The following ERP44 variants were observed in gnomAD, a reference collection of about 807,000 sequenced individuals.
The protein encoded by ERP44 is endoplasmic reticulum protein 44, also known as endoplasmic reticulum resident protein 44.
In ERP44, 25 loss-of-function variants were observed where a neutral mutation model predicts 53.4. The ratio of observed to expected loss-of-function variants is 0.47; its 90% CI spans 0.34 to 0.65. ERP44 has a LOEUF of 0.65. Ranked by LOEUF, ERP44 falls within the 30% of genes least tolerant of loss-of-function variation. The probability of loss-of-function intolerance (pLI) is 0.01; values close to 1 mark genes in which losing one functional copy is unlikely to be tolerated. For synonymous variants in ERP44, 145 were observed against 161.2 expected (o/e 0.90, Z 0.76); for missense variants, 338 against 493.2 (o/e 0.69, Z 2.98).
Position 100,016,390 on chromosome 9 carries a change from C to A in ERP44, c.694G>T (p.Val232Leu), listed in dbSNP as rs1175172368. The change falls in exon 8 of 12, where the codon GTG becomes TTG. Residue 232 changes from valine to leucine, a missense_variant. Transcript: ENST00000262455. ...TTATCTTGAATCCAATTGTAAGTCA[C>A]ATCAAAATTTGTCATAGCTCCCAAG... is the stretch of plus-strand genomic sequence containing the variant. ...VYLGAMTNFD[V>L]TYNWIQDKCV... 1 of 1,612,126 alleles carries A rather than the reference C, an allele frequency of 6.2e-7. No individual in the cohort carries two copies. Among genetic ancestry groups the A allele is most frequent in the East Asian group, 2.2e-5 (1 of 44,734 alleles).
At chr9:100,090,594 C>T (rs774111582) in intron 1 of ERP44, among the ~76,000 whole-genome samples, 6 of 151,946 alleles carry the variant, frequency 3.9e-5, no homozygotes, top group East Asian at 1.9e-4. Context: ...ACTAAAAACA[C>T]AAAAATTAGC....
At chr9:100,069,153 C>G (rs867163948) in intron 1 of ERP44, among the ~76,000 whole-genome samples, 1 of 151,894 alleles carries the variant, frequency 6.6e-6, no homozygotes, top group Non-Finnish European at 1.5e-5. Context: ...ACAAACACTG[C>G]GGAAGGCCGC....
At chr9:100,072,302 G>A (rs189894599) in intron 1 of ERP44, among the ~76,000 whole-genome samples, 34 of 152,200 alleles carry the variant, frequency 2.2e-4, no homozygotes, top group African/African-American at 7.9e-4. Flanking sequence ...CTGAATTTAG[G>A]AATCTATCTC....
At chr9:100,044,733 G>C (rs1359413254) in intron 4 of ERP44, among the ~76,000 whole-genome samples, 2 of 152,092 alleles carry the variant, frequency 1.3e-5, no homozygotes, top group African/African-American at 2.4e-5. Context: ...AAGGAAGTAA[G>C]GCGCTCCTAG....
chr9:100,049,449 A>T (rs1826013239), intron 4 of ERP44, among the ~76,000 whole-genome samples: 1 of 152,226 alleles, frequency 6.6e-6, no homozygotes, highest in African/African-American at 2.4e-5. Context: ...CCAATAAAAA[A>T]TGTGTAATAT....
chr9:99,989,598 A>C (rs1196764448), intron 10 of ERP44, among the ~76,000 whole-genome samples: 4 of 152,258 alleles, frequency 2.6e-5, no homozygotes, highest in African/African-American at 9.6e-5. Context: ...AAACCAGAGC[A>C]GAAAAGCTGA....
At chr9:100,041,624 C>T (rs1441603588) in intron 4 of ERP44, among the ~76,000 whole-genome samples, 1 of 152,028 alleles carries the variant, frequency 6.6e-6, no homozygotes, top group South Asian at 2.1e-4. Context: ...GCCGAGATTG[C>T]GCCACTGCAC....
At chr9:100,077,699 ACTC>A (rs1411252282) in intron 1 of ERP44, among the ~76,000 whole-genome samples, 2 of 152,074 alleles carry the variant, frequency 1.3e-5, no homozygotes, top group Non-Finnish European at 2.9e-5. Context: ...GACACTTTGA[ACTC>A]CTCCTATCTT....
intron 9 of ERP44, among the ~76,000 whole-genome samples, 187 bp downstream of exon 9, chr9:100,007,391 C>A (rs1830433367): frequency 6.6e-6 from 1 of 151,998 alleles, no homozygotes; most frequent in Admixed American, 6.6e-5. Flanking sequence ...AACAAACAAA[C>A]AAAAAAACAC....
rs534571188 is a variant in ERP44 at position 100,026,572 on chromosome 9, T to C, written c.287-4346A>G. 5.3e-5 allele frequency among the ~76,000 whole-genome samples: 8 copies of C among 152,314 alleles called. No homozygotes were observed. In the South Asian group the frequency reaches 1.7e-3, roughly 32 times the overall value. On this transcript the variant is annotated intron_variant, in intron 4 of 11. Transcript: ENST00000262455. Reference sequence around the variant, plus strand: ...CATATGTTCAGTTGTAATCAGAAAGTTACAAATTAAAACTCCCAGATAACA... The same window carrying C: ...CATATGTTCAGTTGTAATCAGAAAGCTACAAATTAAAACTCCCAGATAACA...
At chr9:100,035,636 T>C (rs545592340) in intron 4 of ERP44, among the ~76,000 whole-genome samples, 1 of 151,948 alleles carries the variant, frequency 6.6e-6, no homozygotes, top group South Asian at 2.1e-4. Context: ...GATTGTGCCA[T>C]TGCACTCCAG....
At chr9:99,997,989 C>T (rs148549767) in intron 10 of ERP44, among the ~76,000 whole-genome samples, 306 of 152,092 alleles carry the variant, frequency 2.0e-3, no homozygotes, top group African/African-American at 7.2e-3. Context: ...TTGCACTGAT[C>T]CAATACTAAC....
At chr9:99,987,419 AG>A (rs1318642043) in intron 10 of ERP44, among the ~76,000 whole-genome samples, 2 of 152,202 alleles carry the variant, frequency 1.3e-5, no homozygotes, top group Admixed American at 1.3e-4. Flanking sequence ...CCCATCCTCC[AG>A]TTACTTTTTT....
chr9:100,049,743 C>A (rs1455185694), intron 4 of ERP44, among the ~76,000 whole-genome samples: 1 of 152,096 alleles, frequency 6.6e-6, no homozygotes, highest in Admixed American at 6.5e-5. Context: ...ACCATATGAC[C>A]TAGCATTTCA....
intron 10 of ERP44, among the ~76,000 whole-genome samples, chr9:99,993,460 T>C (rs1055247447): frequency 6.6e-6 from 1 of 152,198 alleles, no homozygotes; most frequent in Admixed American, 6.5e-5. Flanking sequence ...GCTAGCCATA[T>C]ATAGAAAGCT....
At chr9:100,021,334 C>A (rs1554707467) in intron 5 of ERP44, among the ~76,000 whole-genome samples, 1 of 152,168 alleles carries the variant, frequency 6.6e-6, no homozygotes, top group Non-Finnish European at 1.5e-5. Context: ...ATCTGGGGAG[C>A]CCTCTGTATT....
intron 3 of ERP44, among the ~76,000 whole-genome samples, chr9:100,057,544 A>G (rs1269570859): frequency 2.0e-5 from 3 of 152,310 alleles, no homozygotes; most frequent in South Asian, 4.1e-4. Flanking sequence ...CGGAATTGCA[A>G]TATGTGTTCC....
intron 8 of ERP44, among the ~76,000 whole-genome samples, chr9:100,015,853 G>A (rs1830520735): frequency 6.6e-6 from 1 of 151,998 alleles, no homozygotes; most frequent in Non-Finnish European, 1.5e-5. Context: ...CACATGCACA[G>A]TTCACAACAG....
At chr9:99,991,725 G>A (rs983107987) in intron 10 of ERP44, among the ~76,000 whole-genome samples, 10 of 152,080 alleles carry the variant, frequency 6.6e-5, no homozygotes, top group Non-Finnish European at 1.3e-4. Context: ...ATGAATCCAG[G>A]AGCTGGTTTT....
Sources: allele counts gnomAD v4.1 joint callset (sites outside exome capture counted in the v4.1 genomes callset), GRCh38; gene constraint gnomAD v4.1.1; transcripts MANE v1.5; gene names NCBI Gene and HGNC (gene_info 2026-07-23, HGNC 2026-07-21).